Variants in VPS13B observed in about 807,000 individuals in gnomAD.
VPS13B encodes intermembrane lipid transfer protein VPS13B.
A neutral mutation model predicts 426.4 loss-of-function variants in VPS13B; 285 were observed. That is an observed-to-expected ratio of 0.67 (90% CI 0.61 to 0.74). VPS13B has a LOEUF of 0.74. Ranked by LOEUF, VPS13B falls within the 30% of genes least tolerant of loss-of-function variation. The pLI, the probability that VPS13B is intolerant of heterozygous loss-of-function variation, is 0.00. For missense variants in VPS13B, 4,537 were observed against 4,782.6 expected, an observed-to-expected ratio of 0.95 and a Z score of 1.51; for synonymous variants, 1,676 against 1,676.4, an observed-to-expected ratio of 1.00 and a Z score of 0.01.
At chr8:99,578,071 T>A (rs1825858937) in intron 33 of VPS13B, among the ~76,000 whole-genome samples, 1 of 152,198 alleles carries the variant, frequency 6.6e-6, no homozygotes, top group African/African-American at 2.4e-5. Context: ...GGGAAATGAA[T>A]GGACACAATC....
rs779913773 is a variant in VPS13B at position 99,793,254 on chromosome 8, CATATAT to C, written c.7941+8804_7941+8809del. On this transcript the variant is annotated intron_variant, in intron 43 of 61. Coordinates refer to ENST00000357162, the MANE Select transcript of VPS13B (RefSeq NM_152564.5). ...TTTGGAGACAGGGTCTTGCCCTCTC[CATATAT>C]ATATATATATATATATATATATATA... Among the ~76,000 whole-genome samples the C allele has an allele frequency of 3.9e-3, 419 of 107,022 alleles. 5 individuals carry two copies. Among genetic ancestry groups the C allele is most frequent in the African/African-American group, 0.014 (383 of 27,842 alleles). The allele number at this position is 107,022 out of a possible 152,430, so 70.2% of individuals were successfully genotyped here. A position where few individuals can be genotyped will look rare whatever the true frequency, so the allele number is the denominator to read the frequency against.
rs139723103 is a variant in VPS13B, at chr8:99,113,975, AT to A, written c.763-1723del. Among the ~76,000 whole-genome samples the A allele has an allele frequency of 4.5e-3, 689 of 152,056 alleles. 3 individuals are homozygous for A. Among genetic ancestry groups the A allele is most frequent in the Non-Finnish European group, 7.3e-3 (496 of 67,986 alleles). On this transcript the variant is annotated intron_variant, in intron 6 of 61. Coordinates refer to ENST00000357162, the MANE Select transcript of VPS13B (RefSeq NM_152564.5). ...TGTGTGAGATACATACGTTCTGGTG[AT>A]TATGATGTTTATGAGATACAGATCC... is the stretch of plus-strand genomic sequence containing the variant.
At chr8:99,413,374 A>C (rs1359318696) in intron 21 of VPS13B, among the ~76,000 whole-genome samples, 35 of 152,036 alleles carry the variant, frequency 2.3e-4, no homozygotes, top group Admixed American at 2.3e-3. Flanking sequence ...CTCTGATGGT[A>C]GTTTGTATTT....
At chr8:99,714,819 T>C in intron 36 of VPS13B, among the ~76,000 whole-genome samples, 1 of 152,186 alleles carries the variant, frequency 6.6e-6, no homozygotes, top group East Asian at 1.9e-4. Flanking sequence ...AGCTGGGGGA[T>C]GTGTCACATA....
chr8:99,612,204 T>C (rs1162318793), intron 33 of VPS13B, among the ~76,000 whole-genome samples: 1 of 152,200 alleles, frequency 6.6e-6, no homozygotes, highest in Non-Finnish European at 1.5e-5. Context: ...CTTGTGCAAC[T>C]TTCCTAAACT....
intron 17 of VPS13B, among the ~76,000 whole-genome samples, chr8:99,224,508 G>A (rs1226243907): frequency 6.6e-6 from 1 of 151,946 alleles, no homozygotes; most frequent in African/African-American, 2.4e-5. Context: ...TGAATAATGG[G>A]TTTATTTTTC....
chr8:99,261,829 A>C (rs1818054179), intron 17 of VPS13B, among the ~76,000 whole-genome samples: 1 of 152,154 alleles, frequency 6.6e-6, no homozygotes, highest in South Asian at 2.1e-4. Context: ...TGATTCATAC[A>C]ATTTTAGAGT....
intron 16 of VPS13B, among the ~76,000 whole-genome samples, chr8:99,190,254 G>GCTCGTTCGTTTAGAATTATGTGGTGTTTC (rs1813481978): frequency 2.0e-5 from 3 of 151,596 alleles, no homozygotes; most frequent in Non-Finnish European, 4.4e-5. Context: ...TGTGGTGTTT[G>GCTCGTTCGTTTAGAATTATGTGGTGTTTC]TTTTGCTCGT....
intron 2 of VPS13B, among the ~76,000 whole-genome samples, chr8:99,030,672 A>C (rs1321451964): frequency 2.0e-5 from 3 of 152,216 alleles, no homozygotes; most frequent in Admixed American, 1.3e-4. Context: ...ACAATATATT[A>C]TGCGTTCAGA....
intron 27 of VPS13B, among the ~76,000 whole-genome samples, chr8:99,503,220 T>A (rs1249465208): frequency 6.6e-6 from 1 of 152,246 alleles, no homozygotes; most frequent in African/African-American, 2.4e-5. Context: ...TTATGTATTT[T>A]AAAATGTACA....
chr8:99,861,698 C>T (rs907239162), intron 57 of VPS13B, 78 bp from the exon 58 acceptor site: 169 of 1,541,902 alleles, frequency 1.1e-4, no homozygotes, highest in East Asian at 3.9e-4. Flanking sequence ...CAGGTGCTCC[C>T]GCTGCCTCTG....
chr8:99,376,958 A>G (rs144766928), intron 19 of VPS13B, among the ~76,000 whole-genome samples: 1 of 152,198 alleles, frequency 6.6e-6, no homozygotes, highest in East Asian at 1.9e-4. Flanking sequence ...AACATTAGGT[A>G]TGTATAAAAA....
At chr8:99,805,242 C>CAAA (rs60211650) in intron 43 of VPS13B, among the ~76,000 whole-genome samples, 1 of 133,844 alleles carries the variant, frequency 7.5e-6, no homozygotes, top group African/African-American at 2.7e-5. Flanking sequence ...CTATAAAATG[C>CAAA]AAAAAAAAAA....
intron 19 of VPS13B, among the ~76,000 whole-genome samples, chr8:99,279,133 G>A (rs1017438430): frequency 6.6e-6 from 1 of 152,126 alleles, no homozygotes; most frequent in Non-Finnish European, 1.5e-5. Flanking sequence ...AGCACTTTGG[G>A]AGGGCTGAGG....
chr8:99,426,220 T>C (rs1308073013), intron 21 of VPS13B, among the ~76,000 whole-genome samples: 13 of 143,376 alleles, frequency 9.1e-5, no homozygotes, highest in African/African-American at 2.6e-4. Context: ...ATTTCATCCA[T>C]GTCCCTACAA....
intron 57 of VPS13B, among the ~76,000 whole-genome samples, chr8:99,860,917 C>T (rs1816800886): frequency 1.3e-5 from 2 of 152,214 alleles, no homozygotes; most frequent in African/African-American, 2.4e-5. Flanking sequence ...ATCAAAATTG[C>T]ACATATTCTC....
At chr8:99,690,737 A>G (rs1831619676) in intron 35 of VPS13B, among the ~76,000 whole-genome samples, 1 of 152,336 alleles carries the variant, frequency 6.6e-6, no homozygotes, top group South Asian at 2.1e-4. Context: ...GAATATATAC[A>G]GTCAATAAGC....
intron 3 of VPS13B, among the ~76,000 whole-genome samples, chr8:99,056,087 T>C (rs1358061856): frequency 6.6e-6 from 1 of 151,778 alleles, no homozygotes; most frequent in Non-Finnish European, 1.5e-5. Context: ...GACAGGATTT[T>C]GCTCTGTTGC....
chr8:99,428,881 A>T (rs567134321), intron 21 of VPS13B, among the ~76,000 whole-genome samples: 1 of 152,300 alleles, frequency 6.6e-6, no homozygotes, highest in Admixed American at 6.5e-5. Context: ...GAACCAACCC[A>T]AATGTCCAAC....
Sources: allele counts gnomAD v4.1 joint callset (sites outside exome capture counted in the v4.1 genomes callset), GRCh38; gene constraint gnomAD v4.1.1; transcripts MANE v1.5; gene names NCBI Gene and HGNC (gene_info 2026-07-23, HGNC 2026-07-21).